Variants in SCN1A observed in about 807,000 individuals in gnomAD.
SCN1A encodes the protein sodium voltage-gated channel alpha subunit 1, also known as sodium channel protein type 1 subunit alpha.
Under a neutral mutation model 193.7 loss-of-function variants are expected in SCN1A, and 13 were observed. The ratio of observed to expected loss-of-function variants is 0.07; its 90% confidence interval spans 0.04 to 0.11. The LOEUF is 0.11. Ranked by LOEUF, SCN1A falls within the 10% of genes least tolerant of loss-of-function variation. The pLI is 1.00. For synonymous variants in SCN1A, 781 were observed against 843.6 expected, an observed-to-expected ratio of 0.93 and a Z score of 1.29; for missense variants, 1,432 against 2,451.1, an observed-to-expected ratio of 0.58 and a Z score of 8.78.
rs1385314105 is a variant in SCN1A, at chr2:165,987,382, A to G, written c.*3863T>C. 2 of 152,172 alleles carry G rather than the reference A, an allele frequency of 1.3e-5. No homozygotes were observed. The highest frequency in any genetic ancestry group is 2.9e-5 in the Non-Finnish European group (2 of 68,020). 9.4% of individuals were successfully genotyped at this position (152,172 alleles called of 1,614,324 possible). ...TAGAGAAGAGATACTTTAAGATGCTATAAATACCCTATTCCTCATCAAACT... is the reference window on the plus strand; with the variant it reads ...TAGAGAAGAGATACTTTAAGATGCTGTAAATACCCTATTCCTCATCAAACT... On this transcript the variant is annotated 3_prime_UTR_variant, in exon 29 of 29. Coordinates refer to ENST00000674923, the MANE Select transcript of SCN1A (RefSeq NM_001165963.4).
intron 2 of SCN1A, among the ~76,000 whole-genome samples, chr2:166,115,130 G>T (rs922456894): frequency 1.4e-4 from 22 of 152,096 alleles, no homozygotes; most frequent in Non-Finnish European, 3.1e-4. Flanking sequence ...GGTCGAAACA[G>T]GTGGATCACC....
intron 20 of SCN1A, among the ~76,000 whole-genome samples, chr2:166,014,127 A>G (rs920627571): frequency 1.3e-5 from 2 of 151,634 alleles, no homozygotes; most frequent in Non-Finnish European, 1.5e-5. Flanking sequence ...TCTGCCTCAC[A>G]GTGTTATTGT....
chr2:166,061,060 G>T (rs1304842951), intron 4 of SCN1A, among the ~76,000 whole-genome samples: 1 of 152,080 alleles, frequency 6.6e-6, no homozygotes, highest in Non-Finnish European at 1.5e-5. Context: ...TAAATCATGG[G>T]CTGGAGTGTG....
At chr2:166,010,592 T>C (rs1692306182) in intron 22 of SCN1A, among the ~76,000 whole-genome samples, 1 of 151,296 alleles carries the variant, frequency 6.6e-6, no homozygotes, top group East Asian at 1.9e-4. Context: ...TCTAATTCTC[T>C]AAATAAGGAA....
chr2:166,090,568 C>T (rs538435877), intron 2 of SCN1A, among the ~76,000 whole-genome samples: 58 of 152,216 alleles, frequency 3.8e-4, no homozygotes, highest in Non-Finnish European at 7.4e-4. Flanking sequence ...GAAGCCAGGC[C>T]ATAGGTTCTT....
chr2:166,086,160 C>T (rs1686088314), intron 2 of SCN1A, among the ~76,000 whole-genome samples: 1 of 152,112 alleles, frequency 6.6e-6, no homozygotes, highest in South Asian at 2.1e-4. Context: ...AGACATACCT[C>T]CTTATAACCC....
rs1691061383 is a variant in SCN1A at position 166,002,600 on chromosome 2, C to T, written c.4156G>A (p.Asp1386Asn). 1 of 1,612,004 alleles carries T rather than the reference C, an allele frequency of 6.2e-7. No homozygotes were observed. The highest frequency in any genetic ancestry group is 8.5e-7 in the Non-Finnish European group (1 of 1,178,772). ...GTATGATTATTCACGTCTTCGATGT[C>T]AAACCTGTCACCAGTTGTGGTGTTA... ...CINTTTGDRF[D>N]IEDVNNHTDC... Residue 1386 changes from aspartate to asparagine, a missense_variant, in exon 24 of 29, where the codon GAC becomes AAC. Asp to Asn is a conservative substitution (Grantham distance 23, BLOSUM62 1). Coordinates refer to ENST00000674923, the MANE Select transcript of SCN1A (RefSeq NM_001165963.4).
At chr2:166,042,988 G>A (rs1697355047) in intron 14 of SCN1A, among the ~76,000 whole-genome samples, 1 of 152,182 alleles carries the variant, frequency 6.6e-6, no homozygotes, top group Non-Finnish European at 1.5e-5. Flanking sequence ...TTCTGACTTA[G>A]TCATGCCTCC....
intron 8 of SCN1A, among the ~76,000 whole-genome samples, 196 bp downstream of exon 8, chr2:166,052,656 G>T (rs1296702716): frequency 1.3e-5 from 2 of 150,796 alleles, no homozygotes; most frequent in Non-Finnish European, 3.0e-5. Flanking sequence ...AGGTCACCTT[G>T]ACCTCAAATT....
intron 8 of SCN1A, 38 bp from the exon 9 acceptor site, chr2:166,052,026 C>T (rs374362140): frequency 3.3e-5 from 52 of 1,558,324 alleles, no homozygotes; most frequent in Non-Finnish European, 4.1e-5. Context: ...AGACTTAACA[C>T]GTGTGAAATA....
chr2:166,011,267 A>G (rs1692409628), intron 22 of SCN1A, among the ~76,000 whole-genome samples: 1 of 151,176 alleles, frequency 6.6e-6, no homozygotes, highest in African/African-American at 2.4e-5. Context: ...TTGCTGGGTT[A>G]GTATCTTTTT....
intron 21 of SCN1A, among the ~76,000 whole-genome samples, chr2:166,012,855 T>C (rs1692718774): frequency 6.6e-6 from 1 of 151,132 alleles, no homozygotes; most frequent in Non-Finnish European, 1.5e-5. Flanking sequence ...TAATATATAT[T>C]CTTCTATTAT....
intron 3 of SCN1A, among the ~76,000 whole-genome samples, chr2:166,075,756 A>G (rs1338680130): frequency 6.6e-6 from 1 of 152,042 alleles, no homozygotes; most frequent in Non-Finnish European, 1.5e-5. Context: ...ACTACTTTCT[A>G]TGGAGTTTGT....
At chr2:166,040,085 A>T (rs2105820940) in intron 16 of SCN1A, among the ~76,000 whole-genome samples, 1 of 151,900 alleles carries the variant, frequency 6.6e-6, no homozygotes. Flanking sequence ...CGCCCGCCTA[A>T]TTTTTTGTAT....
chr2:166,069,502 A>C (rs16851442), intron 4 of SCN1A, among the ~76,000 whole-genome samples: 11,423 of 152,236 alleles, frequency 0.075, 1,151 homozygotes, highest in African/African-American at 0.23. Context: ...ATATACTCTC[A>C]GCAGTGACAT....
At chr2:166,098,767 C>A (rs542576850) in intron 2 of SCN1A, among the ~76,000 whole-genome samples, 5 of 152,122 alleles carry the variant, frequency 3.3e-5, no homozygotes, top group Non-Finnish European at 7.4e-5. Flanking sequence ...ACGATAGCCA[C>A]GAAAAGTATA....
Position 166,009,851 on chromosome 2 carries a change from C to CA in SCN1A, c.3880-11dup. 4 of 1,604,282 alleles carry CA rather than the reference C, an allele frequency of 2.5e-6. No individual in the cohort carries two copies. The highest frequency in any genetic ancestry group is 3.4e-6 in the Non-Finnish European group (4 of 1,173,082). ...AACTGACCAATGAAACCTGCACACACAAAAATAATAACAATTAATAAACAG... is the reference window on the plus strand; with the variant it reads ...AACTGACCAATGAAACCTGCACACACAAAAAATAATAACAATTAATAAACAG... On this transcript the variant is annotated splice_polypyrimidine_tract_variant and intron_variant, in intron 22 of 28. Coordinates refer to ENST00000674923, the MANE Select transcript of SCN1A (RefSeq NM_001165963.4).
At chr2:166,078,396 A>AT (rs1685183557) in intron 2 of SCN1A, among the ~76,000 whole-genome samples, 1 of 146,864 alleles carries the variant, frequency 6.8e-6, no homozygotes, top group Non-Finnish European at 1.5e-5. Flanking sequence ...CTTCCATTGT[A>AT]TTTTTTCTCT....
chr2:166,141,011 A>C (rs1234467603), intron 1 of SCN1A, among the ~76,000 whole-genome samples: 1 of 152,124 alleles, frequency 6.6e-6, no homozygotes, highest in African/African-American at 2.4e-5. Context: ...TTCTGTGCAC[A>C]TTGGTGTTTG....
Sources: allele counts gnomAD v4.1 joint callset (sites outside exome capture counted in the v4.1 genomes callset), GRCh38; gene constraint gnomAD v4.1.1; transcripts MANE v1.5; gene names NCBI Gene and HGNC (gene_info 2026-07-23, HGNC 2026-07-21).